PASK: variants seen among roughly 807,000 people sequenced by gnomAD.
PASK encodes the protein PAS domain-containing serine/threonine-protein kinase.
Under a neutral mutation model 121.0 loss-of-function variants are expected in PASK, and 110 were observed. The observed-to-expected ratio is 0.91, with a 90% CI of 0.78 to 1.06. The LOEUF is 1.06. Ranked by LOEUF, PASK falls within the 50% of genes least tolerant of loss-of-function variation. The probability of loss-of-function intolerance (pLI) is 0.00; values close to 1 mark genes in which losing one functional copy is unlikely to be tolerated. For missense variants in PASK, 1,643 were observed against 1,702.3 expected, an observed-to-expected ratio of 0.97 and a Z score of 0.61; for synonymous variants, 686 against 717.8, an observed-to-expected ratio of 0.96 and a Z score of 0.71.
chr2:241,110,690 G>A (rs1409107338), intron 15 of PASK, among the ~76,000 whole-genome samples: 1 of 152,180 alleles, frequency 6.6e-6, no homozygotes, highest in Non-Finnish European at 1.5e-5. Context: ...GGTACAGGAA[G>A]GGGTGACAAG....
At chr2:241,139,852 G>A in intron 4 of PASK, 33 bp downstream of exon 4, 4 of 1,608,922 alleles carry the variant, frequency 2.5e-6, no homozygotes, top group Non-Finnish European at 3.4e-6. Flanking sequence ...TGGTCTTGAG[G>A]CCAGACTGAA....
rs138284514 is a variant in PASK, at chr2:241,111,425, A to C, written c.3533+815T>G. 2.6e-4 allele frequency among the ~76,000 whole-genome samples: 40 copies of C among 152,324 alleles called. No homozygotes were observed. In the East Asian group the frequency reaches 6.4e-3, roughly 24 times the overall value. ...TGCATTCCAACCACACCTCTCTAAA[A>C]TACATGTAGGTGTTAGTGGAAAACA... On this transcript the variant is annotated intron_variant, in intron 15 of 17. Coordinates refer to ENST00000234040, the MANE Select transcript of PASK (RefSeq NM_015148.4).
In PASK at chr2:241,112,120, A is replaced by ACCG; in HGVS notation, c.3533+119_3533+120insCGG. 1 of 801,876 alleles carries ACCG rather than the reference A, an allele frequency of 1.2e-6. No homozygotes were observed. Among genetic ancestry groups the ACCG allele is most frequent in the Admixed American group, 1.9e-5 (1 of 53,124 alleles). The allele number at this position is 801,876 out of a possible 1,614,324, so 49.7% of individuals were successfully genotyped here. On this transcript the variant is annotated intron_variant, in intron 15 of 17. Transcript: ENST00000234040. The surrounding 1 kb of genome is among the most constrained non-coding windows in gnomAD (Gnocchi z 5.2). The stretch of plus-strand genomic sequence containing the variant: ...ACTTACTTTCCAGCATATCACCCTG[A>ACCG]CCACTCAACACTCATCACAAAGAGG...
At position 241,115,387 on chromosome 2, in the gene PASK, C is replaced by A; in HGVS notation, c.3099G>T (p.Glu1033Asp). 6.2e-7 allele frequency: 1 copy of A among 1,613,856 alleles called. No homozygotes were observed. The highest frequency in any genetic ancestry group is 8.5e-7 in the Non-Finnish European group (1 of 1,179,840). The change falls in exon 13 of 18, where the codon GAG becomes GAT. Residue 1033 changes from glutamate (E) to aspartate (D), a missense_variant. Around this residue, in one of 3 missense-constraint regions of PASK, gnomAD observed 453 missense variants for 511.2 expected, o/e 0.89. Transcript: ENST00000234040. ...CAATCCAACAATCCTCCAAGACCTTCTCCTTCTTAATAAACTTCACCACCA... is the reference window on the plus strand; with the variant it reads ...CAATCCAACAATCCTCCAAGACCTTATCCTTCTTAATAAACTTCACCACCA... ...KEVVVKFIKK[E>D]KVLEDCWIED... is the part of the protein sequence containing the mutation.
intron 2 of PASK, among the ~76,000 whole-genome samples, chr2:241,142,437 T>G (rs1386569324): frequency 6.6e-6 from 1 of 152,256 alleles, no homozygotes; most frequent in African/African-American, 2.4e-5. Context: ...TTCTGCCCCA[T>G]GATTCTTGGT....
In PASK at chr2:241,126,966, A is replaced by T. The variant is rs763704992; in HGVS notation, c.1949T>A (p.Val650Glu). 6.2e-7 allele frequency: 1 copy of T among 1,613,978 alleles called. No homozygotes were observed. Among genetic ancestry groups the T allele is most frequent in the Non-Finnish European group, 8.5e-7 (1 of 1,179,976 alleles). ...CTGCAGCTCTTCTCGGTCGTTTTCC[A>T]CTCCCAGCCACGGCTCATCTAGAGT... is the stretch of plus-strand genomic sequence containing the variant. Reference protein sequence around the residue: ...TPTLDEPWLGVENDREELQTC... With the variant: ...TPTLDEPWLGEENDREELQTC... Residue 650 changes from valine (V) to glutamate (E), a missense_variant, in exon 10 of 18, where the codon GTG (valine) becomes GAG (glutamate). By Grantham distance (121) the Val-to-Glu change is moderately radical (BLOSUM62 -2). Transcript: ENST00000234040.
At chr2:241,132,610 G>A (rs2066216203) in intron 9 of PASK, among the ~76,000 whole-genome samples, 1 of 149,472 alleles carries the variant, frequency 6.7e-6, no homozygotes, top group Non-Finnish European at 1.5e-5. Context: ...CAACATTCTG[G>A]AACTCTCCAC....
chr2:241,107,253 G>A, intron 17 of PASK, 100 bp downstream of exon 17: 2 of 1,031,796 alleles, frequency 1.9e-6, no homozygotes, highest in South Asian at 1.3e-5. Flanking sequence ...GCATGGGGGA[G>A]AGAGCCTCCT....
At chr2:241,140,894 C>T (rs1156513163) in intron 2 of PASK, 141 bp from the exon 3 acceptor site, 1 of 699,818 alleles carries the variant, frequency 1.4e-6, no homozygotes, top group Non-Finnish European at 2.7e-6. Context: ...AGCTAACACA[C>T]ACTCTCACTG....
At chr2:241,124,627 G>A (rs1455375320) in intron 10 of PASK, among the ~76,000 whole-genome samples, 1 of 152,252 alleles carries the variant, frequency 6.6e-6, no homozygotes, top group Non-Finnish European at 1.5e-5. Flanking sequence ...CTTACATAGA[G>A]AAAGCATGTG....
chr2:241,133,133 C>T, intron 8 of PASK, 103 bp from the exon 9 acceptor site: 1 of 1,170,556 alleles, frequency 8.5e-7, no homozygotes, highest in Non-Finnish European at 1.3e-6. Flanking sequence ...ACAGCATGAC[C>T]AGCATCGACC....
At chr2:241,107,665 A>G (rs2064945283) in intron 16 of PASK, among the ~76,000 whole-genome samples, 166 bp from the exon 17 acceptor site, 1 of 152,226 alleles carries the variant, frequency 6.6e-6, no homozygotes. Flanking sequence ...AAGCTGCAGG[A>G]AACATTCATT....
chr2:241,128,138 C>T (rs1002478381), intron 9 of PASK, among the ~76,000 whole-genome samples: 7 of 152,232 alleles, frequency 4.6e-5, no homozygotes, highest in Middle Eastern at 3.4e-3. Context: ...AAAATTAGCC[C>T]GGTGAGGTGG....
chr2:241,148,712 C>A (rs888861534), intron 1 of PASK, among the ~76,000 whole-genome samples: 3 of 152,160 alleles, frequency 2.0e-5, no homozygotes, highest in African/African-American at 7.2e-5. Flanking sequence ...CGGTGCAAGG[C>A]TGGAAAGCAG....
intron 4 of PASK, among the ~76,000 whole-genome samples, chr2:241,139,280 C>T (rs1350930638): frequency 6.6e-6 from 1 of 152,120 alleles, no homozygotes; most frequent in Non-Finnish European, 1.5e-5. Flanking sequence ...AGATCATACC[C>T]CAACCTCCAC....
chr2:241,137,385 A>C, intron 6 of PASK, 121 bp from the exon 7 acceptor site: 4 of 798,052 alleles, frequency 5.0e-6, no homozygotes, highest in Non-Finnish European at 6.7e-6. Flanking sequence ...AGGACATCTC[A>C]CACCCACACT....
chr2:241,122,189 C>T (rs1469726654), intron 12 of PASK, among the ~76,000 whole-genome samples: 1 of 151,476 alleles, frequency 6.6e-6, no homozygotes, highest in East Asian at 1.9e-4. Flanking sequence ...TCTAAGATAC[C>T]ACCTTAGGAA....
chr2:241,133,113 A>C, intron 8 of PASK, 83 bp from the exon 9 acceptor site: 1 of 1,367,786 alleles, frequency 7.3e-7, no homozygotes, highest in Non-Finnish European at 1.0e-6. Flanking sequence ...GAACTCACTG[A>C]GACTGCTTCA....
intron 9 of PASK, among the ~76,000 whole-genome samples, chr2:241,128,996 TGCCTCTCTCCCTCCATGTCTCCC>T (rs138856942): frequency 0.12 from 18,049 of 151,718 alleles, 1,177 homozygotes; most frequent in East Asian, 0.32. Flanking sequence ...TGCGTCTGCC[TGCCTCTCTCCCTCCATGTCTCCC>T]GCCTCTCTCC....
Sources: allele counts gnomAD v4.1 joint callset (sites outside exome capture counted in the v4.1 genomes callset), GRCh38; gene constraint gnomAD v4.1.1; regional missense constraint gnomAD v4.1.1; non-coding constraint Gnocchi (gnomAD v3.1); transcripts MANE v1.5; gene names NCBI Gene and HGNC (gene_info 2026-07-23, HGNC 2026-07-21).